Variants in LRRIQ3 observed in about 807,000 individuals in gnomAD.
LRRIQ3 encodes the protein leucine-rich repeat and IQ domain-containing protein 3.
LRRIQ3 carries 75 observed loss-of-function variants against 59.3 expected under a neutral mutation model. That is an observed-to-expected ratio of 1.26 (90% CI 1.05 to 1.53). The LOEUF (loss-of-function observed/expected upper bound fraction) is 1.53. LRRIQ3 is among the 40% of genes most tolerant of loss of function. LRRIQ3 has a pLI of 0.00. For missense variants in LRRIQ3, 831 were observed against 710.0 expected (o/e 1.17, Z -1.94); for synonymous variants, 250 against 231.3 (o/e 1.08, Z -0.73).
At chr1:74,106,698 C>T (rs975338789) in intron 5 of LRRIQ3, among the ~76,000 whole-genome samples, 6 of 151,932 alleles carry the variant, frequency 3.9e-5, no homozygotes, top group Non-Finnish European at 7.4e-5. Flanking sequence ...CAGTAACCTC[C>T]AAGGGAAAGG....
intron 3 of LRRIQ3, among the ~76,000 whole-genome samples, chr1:74,163,192 C>G (rs915894431): frequency 9.3e-5 from 14 of 151,290 alleles, no homozygotes; most frequent in African/African-American, 3.4e-4. Context: ...GTAAAACATA[C>G]CAATCCCATA....
intron 7 of LRRIQ3, among the ~76,000 whole-genome samples, chr1:74,028,780 C>T (rs1653599310): frequency 6.6e-6 from 1 of 151,866 alleles, no homozygotes; most frequent in African/African-American, 2.4e-5. Context: ...TAAACTAACA[C>T]ATTTAAAATC....
At chr1:74,133,353 C>A (rs564187171) in intron 4 of LRRIQ3, among the ~76,000 whole-genome samples, 2 of 152,160 alleles carry the variant, frequency 1.3e-5, no homozygotes, top group East Asian at 3.9e-4. Flanking sequence ...CCAGCCATCC[C>A]ATTACTGGGT....
At chr1:74,175,560 C>T (rs896515272) in intron 3 of LRRIQ3, among the ~76,000 whole-genome samples, 2 of 152,152 alleles carry the variant, frequency 1.3e-5, no homozygotes, top group African/African-American at 4.8e-5. Flanking sequence ...AAGGGTGACA[C>T]AAGTAAAGTA....
chr1:74,150,757 T>G (rs1647881028), intron 4 of LRRIQ3, among the ~76,000 whole-genome samples: 1 of 152,262 alleles, frequency 6.6e-6, no homozygotes, highest in African/African-American at 2.4e-5. Flanking sequence ...CTATACCTGA[T>G]TCTTTTATCT....
chr1:74,127,555 T>C lies in LRRIQ3; in HGVS notation c.708-18002A>G, dbSNP rs115777078. Among the ~76,000 whole-genome samples, 533 of 152,090 alleles carry C rather than the reference T, an allele frequency of 3.5e-3. 5 individuals are homozygous for C. Among genetic ancestry groups the C allele is most frequent in the African/African-American group, 0.012 (490 of 41,550 alleles). ...TCTATAACTCATTATTTTAAACTGA[T>C]GACTTAATAATGATTGTATAAACAA... is the stretch of plus-strand genomic sequence containing the variant. On this transcript the variant is annotated intron_variant, in intron 4 of 7. Coordinates refer to ENST00000354431, the MANE Select transcript of LRRIQ3 (RefSeq NM_001105659.2).
At chr1:74,037,050 C>T (rs897604347) in intron 7 of LRRIQ3, among the ~76,000 whole-genome samples, 9 of 151,920 alleles carry the variant, frequency 5.9e-5, no homozygotes, top group Admixed American at 2.6e-4. Flanking sequence ...AAAAAGCACT[C>T]TCTTCTCAGT....
intron 6 of LRRIQ3, among the ~76,000 whole-genome samples, chr1:74,065,564 C>A (rs1477666476): frequency 6.6e-6 from 1 of 152,080 alleles, no homozygotes; most frequent in Non-Finnish European, 1.5e-5. Context: ...AACGTGAGGT[C>A]AATTAAAAGT....
intron 6 of LRRIQ3, among the ~76,000 whole-genome samples, chr1:74,067,347 G>C (rs1654895427): frequency 6.6e-6 from 1 of 152,068 alleles, no homozygotes; most frequent in South Asian, 2.1e-4. Flanking sequence ...AGGTACAGGT[G>C]GTTCCTGAAT....
At chr1:74,061,250 G>C (rs1654713819) in intron 6 of LRRIQ3, among the ~76,000 whole-genome samples, 1 of 152,066 alleles carries the variant, frequency 6.6e-6, no homozygotes, top group South Asian at 2.1e-4. Context: ...TCTCTCATGA[G>C]AATTATAAAA....
chr1:74,174,587 T>G (rs1649527287), intron 3 of LRRIQ3, among the ~76,000 whole-genome samples: 1 of 149,638 alleles, frequency 6.7e-6, no homozygotes, highest in Middle Eastern at 3.5e-3. Context: ...AGAGACAGAG[T>G]TTTACCATGT....
At chr1:74,060,357 TTCC>T (rs1016322434) in intron 6 of LRRIQ3, among the ~76,000 whole-genome samples, 2 of 150,998 alleles carry the variant, frequency 1.3e-5, no homozygotes, top group Non-Finnish European at 3.0e-5. Context: ...TTTCTTCTTC[TTCC>T]TCCTCCTCCT....
At chr1:74,055,837 C>A (rs1366873569) in intron 6 of LRRIQ3, among the ~76,000 whole-genome samples, 1 of 152,052 alleles carries the variant, frequency 6.6e-6, no homozygotes, top group East Asian at 1.9e-4. Context: ...AAATTAAACA[C>A]CCTTTCTTGA....
At chr1:74,037,715 A>T (rs1053339069) in intron 7 of LRRIQ3, among the ~76,000 whole-genome samples, 3 of 152,306 alleles carry the variant, frequency 2.0e-5, no homozygotes, top group Admixed American at 1.3e-4. Flanking sequence ...ACCCATGGAG[A>T]GGAAGGAAGA....
intron 6 of LRRIQ3, among the ~76,000 whole-genome samples, chr1:74,071,193 G>A (rs1200830513): frequency 6.6e-6 from 1 of 151,770 alleles, no homozygotes; most frequent in Non-Finnish European, 1.5e-5. Context: ...ATCTTTTAGA[G>A]ACAGGGTCTC....
At chr1:74,176,096 T>C (rs1383513255) in intron 3 of LRRIQ3, among the ~76,000 whole-genome samples, 3 of 152,200 alleles carry the variant, frequency 2.0e-5, no homozygotes, top group Non-Finnish European at 2.9e-5. Flanking sequence ...CCTTCTTTTA[T>C]CATTTTCTTT....
At chr1:74,150,675 A>C (rs1440288818) in intron 4 of LRRIQ3, among the ~76,000 whole-genome samples, 1 of 152,154 alleles carries the variant, frequency 6.6e-6, no homozygotes, top group East Asian at 1.9e-4. Context: ...GCAACCATAC[A>C]ATCAGACAAT....
chr1:74,078,795 A>G (rs1031994277), intron 5 of LRRIQ3: 2 of 151,816 alleles, frequency 1.3e-5, no homozygotes, highest in African/African-American at 4.8e-5. Flanking sequence ...CTATAGATAA[A>G]TCCAGTATAG....
chr1:74,031,139 T>C (rs1653697525), intron 7 of LRRIQ3, among the ~76,000 whole-genome samples: 1 of 152,074 alleles, frequency 6.6e-6, no homozygotes, highest in South Asian at 2.1e-4. Flanking sequence ...TGTGGAGAAA[T>C]AGGAACACTT....
Sources: allele counts gnomAD v4.1 joint callset (sites outside exome capture counted in the v4.1 genomes callset), GRCh38; gene constraint gnomAD v4.1.1; transcripts MANE v1.5; gene names NCBI Gene and HGNC (gene_info 2026-07-23, HGNC 2026-07-21).